GPR89A: variants seen among roughly 807,000 people sequenced by gnomAD.
GPR89A encodes the protein G protein-coupled receptor 89A.
In GPR89A, 16 loss-of-function variants were observed where a neutral mutation model predicts 52.0. The observed-to-expected ratio is 0.31, with a 90% CI of 0.21 to 0.47. The LOEUF is 0.47. Among genes scored for constraint, GPR89A ranks in the 20% least tolerant of loss-of-function variants. GPR89A has a pLI of 1.00. For missense variants in GPR89A, 135 were observed against 449.4 expected, an observed-to-expected ratio of 0.30 and a Z score of 6.33; for synonymous variants, 55 against 150.9, an observed-to-expected ratio of 0.36 and a Z score of 4.66.
intron 1 of GPR89A, 61 bp from the exon 2 acceptor site, chr1:145,616,173 T>C: frequency 2.5e-6 from 3 of 1,208,146 alleles, no homozygotes; most frequent in Non-Finnish European, 2.4e-6. Flanking sequence ...ATAAAAGAGT[T>C]TCTATAAAAC....
chr1:145,620,794 A>C (rs1553688000), intron 3 of GPR89A, among the ~76,000 whole-genome samples: 2 of 152,114 alleles, frequency 1.3e-5, no homozygotes. Flanking sequence ...CAAATATGTA[A>C]TCTTGTTGGG....
chr1:145,609,550 G>T (rs1553685753), intron 1 of GPR89A, among the ~76,000 whole-genome samples: 1 of 151,916 alleles, frequency 6.6e-6, no homozygotes, highest in East Asian at 1.9e-4. Flanking sequence ...GACAACTCAG[G>T]GTTATTTTTA....
chr1:145,648,834 T>A, intron 10 of GPR89A, among the ~76,000 whole-genome samples: 1 of 117,264 alleles, frequency 8.5e-6, no homozygotes, highest in Admixed American at 9.5e-5. Flanking sequence ...ACGGAGTCTC[T>A]CTCTGTCTCC....
At chr1:145,637,505 A>T (rs1650329566) in intron 7 of GPR89A, among the ~76,000 whole-genome samples, 1 of 152,182 alleles carries the variant, frequency 6.6e-6, no homozygotes, top group African/African-American at 2.4e-5. Context: ...TACCAAAAAA[A>T]TTAACAATTC....
Position 145,634,083 on chromosome 1 carries a change from T to A in GPR89A, c.617+2339T>A, listed in dbSNP as rs1435191272. On this transcript the variant is annotated intron_variant, in intron 7 of 13. Coordinates refer to ENST00000313835, the MANE Select transcript of GPR89A (RefSeq NM_001097612.2). ...AAGAATGGAATATTGTCTATTGTGT[T>A]TTTTTTTTTTTTTTAAGACGGAGTC... Among the ~76,000 whole-genome samples the A allele has an allele frequency of 5.3e-5, 8 of 150,686 alleles. No individual in the cohort carries two copies. In the East Asian group the frequency reaches 9.7e-4, roughly 18 times the overall value.
intron 12 of GPR89A, among the ~76,000 whole-genome samples, chr1:145,668,630 G>A (rs1427658608): frequency 2.0e-5 from 3 of 152,260 alleles, no homozygotes; most frequent in East Asian, 1.9e-4. Flanking sequence ...TGGTGGGAGA[G>A]GGCATCCCTG....
At chr1:145,632,612 A>G (rs1253818975) in intron 7 of GPR89A, among the ~76,000 whole-genome samples, 4 of 152,248 alleles carry the variant, frequency 2.6e-5, no homozygotes, top group Non-Finnish European at 5.9e-5. Context: ...TCTGTTGTAC[A>G]TGTATGCCAT....
At chr1:145,610,285 A>T (rs1447049870) in intron 1 of GPR89A, among the ~76,000 whole-genome samples, 2 of 152,016 alleles carry the variant, frequency 1.3e-5, no homozygotes, top group Non-Finnish European at 2.9e-5. Flanking sequence ...ATCAGAGGTC[A>T]CGTATTCAAT....
intron 7 of GPR89A, among the ~76,000 whole-genome samples, chr1:145,639,953 C>T (rs1553691468): frequency 3.3e-5 from 5 of 152,158 alleles, no homozygotes; most frequent in Admixed American, 2.6e-4. Flanking sequence ...CGTGGTGGCT[C>T]ATGCCTGTAA....
rs71618969 is a variant in GPR89A, at chr1:145,608,145, C to G, written c.12C>G (p.Leu4=). 8.4e-3 allele frequency: 13,470 copies of G among 1,606,892 alleles called. 1,420 individuals are homozygous for G. In the African/African-American group the frequency reaches 0.17, roughly 20 times the overall value. The part of the protein sequence containing the change: MSF[L]IDSSIMITSQ... ...CCTTACACTTCGCCATGAGTTTCCT[C>G]ATCGACTCCAGCATCATGATTACCT... is the stretch of plus-strand genomic sequence containing the variant. Residue 4 remains leucine (L), a synonymous_variant, in exon 1 of 14, where the codon CTC becomes CTG. Coordinates refer to ENST00000313835, the MANE Select transcript of GPR89A (RefSeq NM_001097612.2).
intron 10 of GPR89A, among the ~76,000 whole-genome samples, chr1:145,647,846 TC>T (rs1559041972): frequency 2.4e-4 from 4 of 16,854 alleles, no homozygotes; most frequent in African/African-American, 1.2e-3. Flanking sequence ...CTCTCTCTCC[TC>T]CTCCTCTCTC....
chr1:145,609,554 A>AT (rs1261189985), intron 1 of GPR89A, among the ~76,000 whole-genome samples: 3 of 152,218 alleles, frequency 2.0e-5, no homozygotes, highest in Non-Finnish European at 4.4e-5. Flanking sequence ...ACTCAGGGTT[A>AT]TTTTTAGCCT....
At chr1:145,608,487 G>A (rs1447477884) in intron 1 of GPR89A, 9 of 668,224 alleles carry the variant, frequency 1.3e-5, no homozygotes, top group Admixed American at 1.1e-4. Context: ...GGCGGTTCTA[G>A]GAGCTCCTCG....
chr1:145,623,192 G>A (rs1553688442), intron 4 of GPR89A, 32 bp downstream of exon 4: 2 of 1,611,862 alleles, frequency 1.2e-6, no homozygotes, highest in East Asian at 2.2e-5. Context: ...TCAGCATATA[G>A]ATTGAGATGA....
intron 5 of GPR89A, among the ~76,000 whole-genome samples, chr1:145,629,525 G>C (rs1649754138): frequency 6.6e-6 from 1 of 152,198 alleles, no homozygotes; most frequent in Admixed American, 6.5e-5. Context: ...TCAATAGTGT[G>C]AGAGCTCTCT....
intron 7 of GPR89A, among the ~76,000 whole-genome samples, chr1:145,642,378 G>A (rs1193216826): frequency 6.6e-6 from 1 of 151,414 alleles, no homozygotes; most frequent in Non-Finnish European, 1.5e-5. Context: ...ATCTCCCTAG[G>A]TCTGAGCCTC....
At chr1:145,658,860 C>T (rs1444705890) in intron 10 of GPR89A, among the ~76,000 whole-genome samples, 1 of 152,066 alleles carries the variant, frequency 6.6e-6, no homozygotes, top group African/African-American at 2.4e-5. Context: ...TCACTTCGAT[C>T]TCTGCCTCCT....
At position 145,669,677 on chromosome 1, in the gene GPR89A, T is replaced by C; in HGVS notation, c.1148T>C (p.Leu383Ser). 6.2e-7 allele frequency: 1 copy of C among 1,611,500 alleles called. No homozygotes were observed. The highest frequency in any genetic ancestry group is 1.1e-5 in the South Asian group (1 of 90,984). ...SKSSNVIVLLLAQIMGMYFVS... is the reference protein window; with the variant it reads ...SKSSNVIVLLSAQIMGMYFVS... ...TCCTCCAATGTCATTGTCCTGCTAT[T>C]AGCACAGATAATGGTAAGTTTAATT... Residue 383 changes from leucine (L) to serine (S), a missense_variant, in exon 13 of 14, where the codon TTA becomes TCA. Leu to Ser is a moderately radical substitution (Grantham distance 145). Coordinates refer to ENST00000313835, the MANE Select transcript of GPR89A (RefSeq NM_001097612.2).
Position 145,630,772 on chromosome 1 carries a change from C to T in GPR89A, c.501C>T (p.Val167=). The T allele has an allele frequency of 1.9e-6, 1 of 531,302 alleles. No individual in the cohort carries two copies. The highest frequency in any genetic ancestry group is 3.0e-5 in the East Asian group (1 of 33,122). 32.9% of individuals were successfully genotyped at this position (531,302 alleles called of 1,614,324 possible). A position where few individuals can be genotyped will look rare whatever the true frequency, so the allele number is the denominator to read the frequency against. ...LMALLSGFGA[V]NCPYTYMSYF... is the part of the protein sequence containing the mutation. ...CTCTTCTTTCTGGATTTGGTGCTGT[C>T]AACTGCCCATACACTTACATGTCTT... is the stretch of plus-strand genomic sequence containing the variant. The change falls in exon 6 of 14, where the codon GTC becomes GTT. Residue 167 remains valine (V), a synonymous_variant. Coordinates refer to ENST00000313835, the MANE Select transcript of GPR89A (RefSeq NM_001097612.2).
Sources: gnomAD v4.1 joint callset for allele counts (sites outside exome capture counted in the v4.1 genomes callset) on GRCh38, gnomAD v4.1.1 for gene constraint, MANE v1.5 for transcripts, NCBI Gene and HGNC (gene_info 2026-07-23, HGNC 2026-07-21) for gene names.